The following ARID4B variants were observed in gnomAD, a reference collection of about 807,000 sequenced individuals.
ARID4B encodes the protein AT-rich interaction domain 4B, also known as AT-rich interactive domain-containing protein 4B.
A neutral mutation model predicts 147.5 loss-of-function variants in ARID4B; 26 were observed. The observed-to-expected ratio is 0.18, with a 90% CI of 0.13 to 0.24. The LOEUF is 0.24. Among genes scored for constraint, ARID4B ranks in the 10% least tolerant of loss-of-function variants. The pLI is 1.00. For synonymous variants in ARID4B, 512 were observed against 507.9 expected (o/e 1.01, Z -0.11); for missense variants, 1,179 against 1,511.5 (o/e 0.78, Z 3.65).
At chr1:235,313,884 G>C (rs900845815) in intron 2 of ARID4B, among the ~76,000 whole-genome samples, 1 of 152,138 alleles carries the variant, frequency 6.6e-6, no homozygotes, top group Admixed American at 6.5e-5. Flanking sequence ...CAGAAGGAAA[G>C]AATAACAGAT....
intron 6 of ARID4B, 25 bp from the exon 7 acceptor site, chr1:235,246,536 C>A: frequency 1.9e-6 from 3 of 1,544,442 alleles, no homozygotes; most frequent in Non-Finnish European, 1.8e-6. Context: ...ATAAACCCAT[C>A]AAAAAATTAA....
intron 16 of ARID4B, among the ~76,000 whole-genome samples, chr1:235,215,108 G>T (rs1666972870): frequency 6.6e-6 from 1 of 151,954 alleles, no homozygotes; most frequent in Non-Finnish European, 1.5e-5. Context: ...GCCTCCCAAA[G>T]TGCTGGGATT....
At chr1:235,252,192 T>A (rs562591611) in intron 6 of ARID4B, among the ~76,000 whole-genome samples, 1 of 152,306 alleles carries the variant, frequency 6.6e-6, no homozygotes, top group Non-Finnish European at 1.5e-5. Context: ...TGTGACACAT[T>A]CTAGTGAGGA....
In ARID4B at chr1:235,221,706, T is replaced by A. The variant is rs768078432; in HGVS notation, c.1066-44A>T. 1.6e-5 allele frequency: 17 copies of A among 1,080,042 alleles called. No homozygotes were observed. The African/African-American group carries it at 2.2e-4, about 14-fold the overall frequency. The allele number at this position is 1,080,042 out of a possible 1,614,324, so 66.9% of individuals were successfully genotyped here. On this transcript the variant is annotated intron_variant, in intron 13 of 23. Transcript: ENST00000264183. The stretch of plus-strand genomic sequence containing the variant: ...CAAAAACTCTCAAATTAAAAGGTGT[T>A]AATATAATAACATTTTGATAGACAC...
chr1:235,307,285 A>C (rs1163718164), intron 2 of ARID4B, among the ~76,000 whole-genome samples: 1 of 152,166 alleles, frequency 6.6e-6, no homozygotes, highest in Admixed American at 6.5e-5. Context: ...CACTACAAAA[A>C]AATAAAAAAC....
intron 2 of ARID4B, among the ~76,000 whole-genome samples, chr1:235,319,152 A>G (rs1348519438): frequency 6.6e-6 from 1 of 152,244 alleles, no homozygotes; most frequent in Non-Finnish European, 1.5e-5. Context: ...AATTAACAAA[A>G]AAGTTTTCAA....
At chr1:235,250,825 G>A (rs1160957132) in intron 6 of ARID4B, among the ~76,000 whole-genome samples, 1 of 152,086 alleles carries the variant, frequency 6.6e-6, no homozygotes. Context: ...ATTACCTTCA[G>A]CATTTAACTT....
Position 235,246,468 on chromosome 1 carries a change from G to A in ARID4B, c.398C>T (p.Thr133Ile). ...ATTTGTTTTCTTTCCTATGACTGGAGTGCCAAAATGCTCAGGGTTGGTGAG... is the reference window on the plus strand; with the variant it reads ...ATTTGTTTTCTTTCCTATGACTGGAATGCCAAAATGCTCAGGGTTGGTGAG... ...LPLTNPEHFG[T>I]PVIGKKTNRG... The change falls in exon 7 of 24, where the codon ACT (threonine) becomes ATT (isoleucine). Residue 133 changes from threonine (T) to isoleucine (I), a missense_variant. Thr to Ile is a moderately conservative substitution (Grantham distance 89). Coordinates refer to ENST00000264183, the MANE Select transcript of ARID4B (RefSeq NM_016374.6). The A allele has an allele frequency of 6.2e-7, 1 of 1,613,852 alleles. No homozygotes were observed. The highest frequency in any genetic ancestry group is 8.5e-7 in the Non-Finnish European group (1 of 1,179,774).
intron 8 of ARID4B, among the ~76,000 whole-genome samples, chr1:235,237,023 C>T (rs967667118): frequency 1.7e-4 from 25 of 148,640 alleles, no homozygotes; most frequent in African/African-American, 6.0e-4. Context: ...TAAGCACGCA[C>T]CACCATGTCC....
At chr1:235,324,767 T>C (rs1347798428) in intron 2 of ARID4B, among the ~76,000 whole-genome samples, 3 of 152,082 alleles carry the variant, frequency 2.0e-5, no homozygotes, top group African/African-American at 7.3e-5. Flanking sequence ...CAAAACCTCA[T>C]CTCTACAAAA....
chr1:235,173,593 G>C (rs1364749710), intron 22 of ARID4B, among the ~76,000 whole-genome samples: 1 of 148,446 alleles, frequency 6.7e-6, no homozygotes, highest in Non-Finnish European at 1.5e-5. Flanking sequence ...CTCTAGAGTA[G>C]TATTAAAAAA....
intron 22 of ARID4B, 83 bp downstream of exon 22, chr1:235,175,101 G>T: frequency 7.8e-7 from 1 of 1,275,442 alleles, no homozygotes; most frequent in Non-Finnish European, 1.1e-6. Flanking sequence ...GCGAGACTCT[G>T]TCTCTAAAAA....
At chr1:235,220,598 A>C in intron 14 of ARID4B, 53 bp from the exon 15 acceptor site, 2 of 1,351,102 alleles carry the variant, frequency 1.5e-6, no homozygotes, top group Non-Finnish European at 2.0e-6. Context: ...AAATATAACT[A>C]TAGAGTTATT....
chr1:235,311,716 G>A (rs1243891563), intron 2 of ARID4B, among the ~76,000 whole-genome samples: 1 of 150,852 alleles, frequency 6.6e-6, no homozygotes, highest in Non-Finnish European at 1.5e-5. Flanking sequence ...AGAGGTTGCA[G>A]TGAGCCAAGA....
chr1:235,298,788 T>C (rs1672931209), intron 2 of ARID4B, among the ~76,000 whole-genome samples: 1 of 152,108 alleles, frequency 6.6e-6, no homozygotes, highest in African/African-American at 2.4e-5. Context: ...CAGTTAATAC[T>C]ACAATCAGAA....
intron 2 of ARID4B, among the ~76,000 whole-genome samples, chr1:235,280,952 CG>C (rs1671633133): frequency 1.4e-5 from 2 of 146,240 alleles, no homozygotes; most frequent in Admixed American, 6.8e-5. Context: ...TGTATAAAAA[CG>C]AAAAAAAAAG....
intron 2 of ARID4B, among the ~76,000 whole-genome samples, chr1:235,319,095 C>T (rs1380049237): frequency 2.0e-5 from 3 of 151,874 alleles, no homozygotes; most frequent in African/African-American, 7.3e-5. Context: ...TCAAGGCCAG[C>T]CTAGGTAACA....
chr1:235,199,205 TATA>T (rs967507954), intron 17 of ARID4B, among the ~76,000 whole-genome samples: 21 of 152,190 alleles, frequency 1.4e-4, no homozygotes, highest in African/African-American at 4.3e-4. Flanking sequence ...AAACATAATG[TATA>T]ATAATATTAC....
intron 2 of ARID4B, among the ~76,000 whole-genome samples, chr1:235,285,327 G>A (rs554043154): frequency 6.6e-6 from 1 of 152,318 alleles, no homozygotes; most frequent in East Asian, 1.9e-4. Flanking sequence ...AGAAGTCAAT[G>A]AGTGTAATTA....
Sources: gnomAD v4.1 joint callset for allele counts (sites outside exome capture counted in the v4.1 genomes callset) on GRCh38, gnomAD v4.1.1 for gene constraint, MANE v1.5 for transcripts, NCBI Gene and HGNC (gene_info 2026-07-23, HGNC 2026-07-21) for gene names.